The following CDKAL1 variants were observed in gnomAD, a reference collection of about 807,000 sequenced individuals.
CDKAL1 encodes threonylcarbamoyladenosine tRNA methylthiotransferase.
CDKAL1 carries 32 observed loss-of-function variants against 68.2 expected under a neutral mutation model. The ratio of observed to expected loss-of-function variants is 0.47; its 90% CI spans 0.35 to 0.63. The LOEUF (loss-of-function observed/expected upper bound fraction) is 0.63, where lower values mean the gene tolerates loss of function less well. CDKAL1 is among the 30% of genes least tolerant of loss of function. The pLI, the probability that CDKAL1 is intolerant of heterozygous loss-of-function variation, is 0.00. For missense variants in CDKAL1, 606 were observed against 696.7 expected (o/e 0.87, Z 1.47); for synonymous variants, 234 against 244.3 (o/e 0.96, Z 0.39).
intron 5 of CDKAL1, among the ~76,000 whole-genome samples, chr6:20,672,908 C>A (rs1769917432): frequency 6.6e-6 from 1 of 152,128 alleles, no homozygotes; most frequent in Non-Finnish European, 1.5e-5. Flanking sequence ...TCCCGAGTAG[C>A]TGGGATTACA....
chr6:20,681,153 G>A (rs142978140), intron 5 of CDKAL1, among the ~76,000 whole-genome samples: 68 of 152,302 alleles, frequency 4.5e-4, no homozygotes, highest in African/African-American at 1.5e-3. Flanking sequence ...TCACTGTTGT[G>A]AATGCATTTA....
intron 10 of CDKAL1, among the ~76,000 whole-genome samples, chr6:20,996,526 A>C (rs181760717): frequency 6.6e-6 from 1 of 152,316 alleles, no homozygotes; most frequent in East Asian, 1.9e-4. Flanking sequence ...CCAAGATGGG[A>C]AGAGCCAGTT....
chr6:20,964,698 G>C (rs990010905), intron 10 of CDKAL1, among the ~76,000 whole-genome samples: 1 of 152,014 alleles, frequency 6.6e-6, no homozygotes, highest in African/African-American at 2.4e-5. Context: ...AATAACTAAT[G>C]GATGCTGGGT....
At chr6:20,749,594 C>T (rs1773824736) in intron 6 of CDKAL1, among the ~76,000 whole-genome samples, 1 of 151,682 alleles carries the variant, frequency 6.6e-6, no homozygotes, top group Admixed American at 6.6e-5. Context: ...ATCCCCCAGG[C>T]TAGAGTGCAG....
chr6:21,113,525 G>T (rs541849151), intron 13 of CDKAL1, among the ~76,000 whole-genome samples: 2 of 152,014 alleles, frequency 1.3e-5, no homozygotes, highest in South Asian at 4.2e-4. Flanking sequence ...TTTTTGAGAT[G>T]GAGTTTCACT....
At chr6:21,009,967 A>G (rs1195457113) in intron 11 of CDKAL1, among the ~76,000 whole-genome samples, 1 of 152,206 alleles carries the variant, frequency 6.6e-6, no homozygotes, top group Non-Finnish European at 1.5e-5. Context: ...TTTATTGTAT[A>G]TTTCCAAATA....
At chr6:20,645,783 ATTTAT>A (rs1023249874) in intron 4 of CDKAL1, among the ~76,000 whole-genome samples, 1 of 150,160 alleles carries the variant, frequency 6.7e-6, no homozygotes. Context: ...TATTTTATTT[ATTTAT>A]TTTATTTTTA....
intron 15 of CDKAL1, among the ~76,000 whole-genome samples, chr6:21,222,999 T>C (rs16884699): frequency 6.6e-6 from 1 of 152,024 alleles, no homozygotes; most frequent in Non-Finnish European, 1.5e-5. Context: ...CAATTACAAA[T>C]TCGCAACGTG....
intron 9 of CDKAL1, among the ~76,000 whole-genome samples, chr6:20,880,750 A>G (rs934774064): frequency 1.3e-5 from 2 of 152,192 alleles, no homozygotes; most frequent in African/African-American, 4.8e-5. Context: ...TCTAAAAGTC[A>G]GATAATTGAC....
intron 9 of CDKAL1, among the ~76,000 whole-genome samples, chr6:20,948,529 C>T (rs1246123852): frequency 6.6e-6 from 1 of 152,140 alleles, no homozygotes; most frequent in Non-Finnish European, 1.5e-5. Flanking sequence ...CCATTATCAA[C>T]TGATTATTAA....
chr6:20,585,336 G>C (rs1197358604), intron 4 of CDKAL1, among the ~76,000 whole-genome samples: 1 of 152,208 alleles, frequency 6.6e-6, no homozygotes, highest in East Asian at 1.9e-4. Flanking sequence ...ACAGGCGTGA[G>C]CCACTGCGCC....
At chr6:20,732,130 C>T (rs1443148563) in intron 5 of CDKAL1, among the ~76,000 whole-genome samples, 2 of 151,862 alleles carry the variant, frequency 1.3e-5, no homozygotes, top group Non-Finnish European at 2.9e-5. Flanking sequence ...ACTGCAGCCT[C>T]GACCTTCTGG....
At chr6:21,028,175 G>C (rs1233706504) in intron 11 of CDKAL1, among the ~76,000 whole-genome samples, 1 of 152,162 alleles carries the variant, frequency 6.6e-6, no homozygotes, top group Admixed American at 6.5e-5. Flanking sequence ...AATGTTGAAA[G>C]AAATTCCTAA....
At chr6:20,704,218 A>T (rs1343955730) in intron 5 of CDKAL1, among the ~76,000 whole-genome samples, 6 of 152,198 alleles carry the variant, frequency 3.9e-5, no homozygotes, top group African/African-American at 1.4e-4. Context: ...CTGGGGATCG[A>T]TAATAGCAAT....
At chr6:20,555,384 G>A (rs1398885200) in intron 4 of CDKAL1, among the ~76,000 whole-genome samples, 1 of 146,730 alleles carries the variant, frequency 6.8e-6, no homozygotes, top group Non-Finnish European at 1.5e-5. Flanking sequence ...GCAGTGGCAC[G>A]ATCTGGGCTT....
intron 5 of CDKAL1, among the ~76,000 whole-genome samples, chr6:20,686,680 G>A (rs932045631): frequency 3.9e-5 from 6 of 152,024 alleles, no homozygotes; most frequent in African/African-American, 9.7e-5. Context: ...CCTTTCCCTC[G>A]TGCCAAAACG....
At chr6:21,177,664 C>CTT (rs1206776350) in intron 13 of CDKAL1, among the ~76,000 whole-genome samples, 6 of 138,406 alleles carry the variant, frequency 4.3e-5, no homozygotes, top group Non-Finnish European at 3.1e-5. Context: ...TTCCTCTGAT[C>CTT]TTTTTTTTTT....
At chr6:20,712,578 G>A (rs1258422946) in intron 5 of CDKAL1, among the ~76,000 whole-genome samples, 6 of 151,704 alleles carry the variant, frequency 4.0e-5, no homozygotes, top group Non-Finnish European at 8.8e-5. Context: ...CTAATCAGAG[G>A]TAAGCACCAT....
At chr6:21,132,435 G>A (rs1052042679) in intron 13 of CDKAL1, among the ~76,000 whole-genome samples, 4 of 151,756 alleles carry the variant, frequency 2.6e-5, no homozygotes, top group African/African-American at 2.4e-5. Flanking sequence ...TATTAATGAA[G>A]ATAGAAGGAG....
Sources: gnomAD v4.1 joint callset for allele counts (sites outside exome capture counted in the v4.1 genomes callset) on GRCh38, gnomAD v4.1.1 for gene constraint, MANE v1.5 for transcripts, NCBI Gene and HGNC (gene_info 2026-07-23, HGNC 2026-07-21) for gene names.